SDHAF4: variants seen among roughly 807,000 people sequenced by gnomAD.
SDHAF4 encodes succinate dehydrogenase complex assembly factor 4.
SDHAF4 carries 14 observed loss-of-function variants against 14.3 expected under a neutral mutation model. The ratio of observed to expected loss-of-function variants is 0.98; its 90% CI spans 0.65 to 1.53. SDHAF4 has a LOEUF of 1.53. SDHAF4 is among the 40% of genes most tolerant of loss of function. The probability of loss-of-function intolerance (pLI) is 0.00; values close to 1 mark genes in which losing one functional copy is unlikely to be tolerated. For missense variants in SDHAF4, 141 were observed against 129.3 expected (o/e 1.09, Z -0.44); for synonymous variants, 63 against 47.3 (o/e 1.33, Z -1.36).
intron 1 of SDHAF4, among the ~76,000 whole-genome samples, chr6:70,575,879 T>C (rs536705308): frequency 6.6e-4 from 100 of 151,588 alleles, no homozygotes; most frequent in African/African-American, 2.3e-3. Context: ...ATGGTTGTTA[T>C]TTCATGATGT....
In SDHAF4 at chr6:70,588,816, G is replaced by A. The variant is rs944481114; in HGVS notation, c.*92G>A. 1 of 572,986 alleles carries A rather than the reference G, an allele frequency of 1.7e-6. No individual in the cohort carries two copies. The highest frequency in any genetic ancestry group is 2.3e-5 in the African/African-American group (1 of 44,440). The allele number at this position is 572,986 out of a possible 1,614,324, so 35.5% of individuals were successfully genotyped here. ...TATTTTCTTTCTTTATATCCTTTAT[G>A]TCGTGTAGTTTGTATAATGTGTTTA... On this transcript the variant is annotated 3_prime_UTR_variant, in exon 3 of 3. Transcript: ENST00000370474.
chr6:70,590,701 A>G (rs921654438), downstream of SDHAF4, among the ~76,000 whole-genome samples: 2 of 152,160 alleles, frequency 1.3e-5, no homozygotes, highest in South Asian at 4.1e-4. Flanking sequence ...ATCACCCTAT[A>G]TTATTCCTGT....
intron 2 of SDHAF4, among the ~76,000 whole-genome samples, chr6:70,586,840 T>G (rs1231536817): frequency 1.3e-5 from 2 of 151,772 alleles, no homozygotes; most frequent in Admixed American, 1.3e-4. Flanking sequence ...ATTGGGAGAG[T>G]GGCCACAATA....
chr6:70,583,266 C>T (rs1765156174), intron 2 of SDHAF4, among the ~76,000 whole-genome samples: 1 of 152,160 alleles, frequency 6.6e-6, no homozygotes, highest in South Asian at 2.1e-4. Flanking sequence ...GCGTCTGGCA[C>T]CACACCTGGC....
At chr6:70,592,713 A>G (rs1307315957), downstream of SDHAF4, among the ~76,000 whole-genome samples, 2 of 152,274 alleles carry the variant, frequency 1.3e-5, no homozygotes, top group African/African-American at 2.4e-5. Context: ...GCAAAAAGGA[A>G]TAAGTTACTT....
chr6:70,591,684 G>A (rs1398798444), downstream of SDHAF4, among the ~76,000 whole-genome samples: 1 of 152,098 alleles, frequency 6.6e-6, no homozygotes. Flanking sequence ...TTTTATATGA[G>A]TACAACATTT....
chr6:70,586,158 A>C (rs1413064656), intron 2 of SDHAF4, among the ~76,000 whole-genome samples: 1 of 152,164 alleles, frequency 6.6e-6, no homozygotes, highest in East Asian at 1.9e-4. Context: ...TGCCCCCAAA[A>C]GTCTAGTTGC....
At position 70,579,522 on chromosome 6, in the gene SDHAF4, T is replaced by C. The variant is rs1321526619; in HGVS notation, c.173T>C (p.Phe58Ser). 2.5e-6 allele frequency: 4 copies of C among 1,610,936 alleles called. No homozygotes were observed. The highest frequency in any genetic ancestry group is 4.5e-5 in the East Asian group (2 of 44,764). The change falls in exon 2 of 3, where the codon TTT becomes TCT. Residue 58 changes from phenylalanine to serine, a missense_variant. Phe to Ser is a radical substitution (Grantham distance 155). Transcript: ENST00000370474. ...LKKPKLPEGRFDAPEDSHLEK... is the reference protein window; with the variant it reads ...LKKPKLPEGRSDAPEDSHLEK... ...AAGCCGAAGTTACCAGAAGGTCGTTTTGATGCACCAGAGGATTCCCATTTA... is the reference window on the plus strand; with the variant it reads ...AAGCCGAAGTTACCAGAAGGTCGTTCTGATGCACCAGAGGATTCCCATTTA...
chr6:70,591,494 G>A (rs972185291), downstream of SDHAF4, among the ~76,000 whole-genome samples: 2 of 151,782 alleles, frequency 1.3e-5, no homozygotes, highest in African/African-American at 4.8e-5. Flanking sequence ...ACCACGCCCA[G>A]CTAATTTTTG....
chr6:70,594,318 G>T (rs9455185), downstream of SDHAF4, among the ~76,000 whole-genome samples: 1 of 151,950 alleles, frequency 6.6e-6, no homozygotes, highest in African/African-American at 2.4e-5. Context: ...TCCAAAACTC[G>T]TGTTAAACTT....
chr6:70,594,538 C>G (rs1181243758), downstream of SDHAF4, among the ~76,000 whole-genome samples: 1 of 152,144 alleles, frequency 6.6e-6, no homozygotes, highest in East Asian at 1.9e-4. Context: ...AGTCTAGTCT[C>G]CACCAGCGAG....
In SDHAF4 at chr6:70,588,821, G is replaced by T; in HGVS notation, c.*97G>T. 2 of 500,176 alleles carry T rather than the reference G, an allele frequency of 4.0e-6. No homozygotes were observed. Among genetic ancestry groups the T allele is most frequent in the Non-Finnish European group, 3.5e-6 (1 of 285,512 alleles). The allele number at this position is 500,176 out of a possible 1,614,324, so 31.0% of individuals were successfully genotyped here. On this transcript the variant is annotated 3_prime_UTR_variant, in exon 3 of 3. Coordinates refer to ENST00000370474, the MANE Select transcript of SDHAF4 (RefSeq NM_145267.3). Reference sequence around the variant, plus strand: ...TCTTTCTTTATATCCTTTATGTCGTGTAGTTTGTATAATGTGTTTAAATAT... The same window carrying T: ...TCTTTCTTTATATCCTTTATGTCGTTTAGTTTGTATAATGTGTTTAAATAT...
At chr6:70,567,051 GC>G in intron 1 of SDHAF4, 47 bp downstream of exon 1, 2 of 1,526,440 alleles carry the variant, frequency 1.3e-6, no homozygotes, top group Non-Finnish European at 1.8e-6. Flanking sequence ...GGTCGTGAAG[GC>G]CCAGGCGCAG....
chr6:70,569,663 CAGAAT>C (rs1194442846), intron 1 of SDHAF4, among the ~76,000 whole-genome samples: 2 of 152,148 alleles, frequency 1.3e-5, no homozygotes, highest in Non-Finnish European at 2.9e-5. Context: ...CACTGCTAGG[CAGAAT>C]AGAATAACGG....
intron 1 of SDHAF4, among the ~76,000 whole-genome samples, chr6:70,575,419 T>G (rs1393564923): frequency 1.3e-5 from 2 of 150,660 alleles, no homozygotes; most frequent in Non-Finnish European, 3.0e-5. Flanking sequence ...TGAAATCCCG[T>G]GTCTACTGAA....
chr6:70,594,672 G>A, the SDHAF4 span, among the ~76,000 whole-genome samples: 1 of 152,188 alleles, frequency 6.6e-6, no homozygotes, highest in African/African-American at 2.4e-5. Flanking sequence ...CAGCACTTTG[G>A]GAGGCCAAGG....
chr6:70,581,206 AG>A (rs1038614817), intron 2 of SDHAF4, among the ~76,000 whole-genome samples: 1 of 152,134 alleles, frequency 6.6e-6, no homozygotes, highest in African/African-American at 2.4e-5. Context: ...CTGGGATTAC[AG>A]GCGTGAGCCA....
intron 2 of SDHAF4, among the ~76,000 whole-genome samples, chr6:70,582,727 A>T (rs536740716): frequency 2.6e-5 from 4 of 151,994 alleles, no homozygotes; most frequent in African/African-American, 9.7e-5. Flanking sequence ...CCCTTTTAAC[A>T]TCTCTCAAAT....
At chr6:70,592,830 A>C (rs1372279691), downstream of SDHAF4, among the ~76,000 whole-genome samples, 1 of 152,234 alleles carries the variant, frequency 6.6e-6, no homozygotes, top group Non-Finnish European at 1.5e-5. Flanking sequence ...AGAGGAAACC[A>C]AGCGTATGAC....
Sources: gnomAD v4.1 joint callset for allele counts (sites outside exome capture counted in the v4.1 genomes callset) on GRCh38, gnomAD v4.1.1 for gene constraint, MANE v1.5 for transcripts, NCBI Gene and HGNC (gene_info 2026-07-23, HGNC 2026-07-21) for gene names.